The following GRID1 variants were observed in gnomAD, a reference collection of about 807,000 sequenced individuals.
GRID1 encodes the protein glutamate ionotropic receptor delta type subunit 1.
A neutral mutation model predicts 98.0 loss-of-function variants in GRID1; 28 were observed. The ratio of observed to expected loss-of-function variants is 0.29; its 90% CI spans 0.21 to 0.39. The LOEUF is 0.39. Among genes scored for constraint, GRID1 ranks in the 10% least tolerant of loss-of-function variants. The probability of loss-of-function intolerance (pLI) is 1.00; values close to 1 mark genes in which losing one functional copy is unlikely to be tolerated. For missense variants in GRID1, 1,111 were observed against 1,340.5 expected (o/e 0.83, Z 2.67); for synonymous variants, 553 against 538.5 (o/e 1.03, Z -0.37).
intron 3 of GRID1, among the ~76,000 whole-genome samples, chr10:86,150,761 G>A (rs1303425627): frequency 6.6e-6 from 1 of 152,158 alleles, no homozygotes; most frequent in Non-Finnish European, 1.5e-5. Flanking sequence ...CCTCCTGGTT[G>A]GAATTAGTGG....
Position 86,291,484 on chromosome 10 carries a change from G to A in GRID1, c.235+72457C>T, listed in dbSNP as rs185907730. On this transcript the variant is annotated intron_variant, in intron 2 of 15. Transcript: ENST00000327946. ...ACCAGGCTCACCCCACAGCAGCCTC[G>A]CCAGTACCAGCCCTGCCTCAGCCCA... Among the ~76,000 whole-genome samples, 18 of 152,180 alleles carry A rather than the reference G, an allele frequency of 1.2e-4. 1 individual carries two copies. Among genetic ancestry groups the A allele is most frequent in the Middle Eastern group, 6.8e-3 (2 of 294 alleles).
At chr10:85,832,496 G>A (rs1317771963) in intron 8 of GRID1, among the ~76,000 whole-genome samples, 2 of 152,116 alleles carry the variant, frequency 1.3e-5, no homozygotes, top group African/African-American at 4.8e-5. Flanking sequence ...TTTGAGCAAT[G>A]AAAAATGGCT....
chr10:85,857,029 A>G (rs1843116826), intron 6 of GRID1, among the ~76,000 whole-genome samples: 1 of 152,186 alleles, frequency 6.6e-6, no homozygotes, highest in African/African-American at 2.4e-5. Context: ...GGGCCTCAGA[A>G]AGACCACTCT....
At chr10:86,046,839 C>T (rs1454569826) in intron 4 of GRID1, among the ~76,000 whole-genome samples, 1 of 146,114 alleles carries the variant, frequency 6.8e-6, no homozygotes, top group African/African-American at 2.5e-5. Context: ...AACAATAATG[C>T]CACAAATTTT....
intron 3 of GRID1, among the ~76,000 whole-genome samples, chr10:86,187,331 G>A (rs576598533): frequency 6.6e-6 from 1 of 152,132 alleles, no homozygotes; most frequent in African/African-American, 2.4e-5. Flanking sequence ...TTACAAGAAG[G>A]CTATGATGTA....
intron 2 of GRID1, among the ~76,000 whole-genome samples, chr10:86,328,519 T>C (rs1436462197): frequency 6.6e-6 from 1 of 152,248 alleles, no homozygotes; most frequent in Non-Finnish European, 1.5e-5. Context: ...GCTGGGTTCC[T>C]GGCAGCATTT....
At chr10:85,786,397 G>A (rs926696375) in intron 8 of GRID1, among the ~76,000 whole-genome samples, 9 of 152,290 alleles carry the variant, frequency 5.9e-5, no homozygotes, top group Non-Finnish European at 5.9e-5. Flanking sequence ...AACCTGTTCC[G>A]AGGGAAGTCA....
chr10:85,896,669 A>C (rs1841298649), intron 5 of GRID1, among the ~76,000 whole-genome samples: 1 of 152,238 alleles, frequency 6.6e-6, no homozygotes, highest in African/African-American at 2.4e-5. Flanking sequence ...AAGAAATACA[A>C]ATTAAACAAT....
intron 8 of GRID1, 122 bp from the exon 9 acceptor site, chr10:85,729,736 C>A (rs867407390): frequency 1.7e-6 from 1 of 589,792 alleles, no homozygotes; most frequent in South Asian, 2.1e-5. Context: ...CCCTGGAGTT[C>A]CCAGAGACCC....
At chr10:85,649,221 A>G (rs937982796) in intron 12 of GRID1, among the ~76,000 whole-genome samples, 1 of 152,188 alleles carries the variant, frequency 6.6e-6, no homozygotes, top group Non-Finnish European at 1.5e-5. Context: ...AGCACACAGA[A>G]GGCCCAGCTG....
At chr10:85,713,275 A>AT (rs1841601811) in intron 12 of GRID1, among the ~76,000 whole-genome samples, 1 of 151,830 alleles carries the variant, frequency 6.6e-6, no homozygotes, top group Non-Finnish European at 1.5e-5. Flanking sequence ...ACTATAAACA[A>AT]TTTTTCAACA....
chr10:85,957,170 G>A (rs758434955), intron 4 of GRID1, among the ~76,000 whole-genome samples: 1 of 152,138 alleles, frequency 6.6e-6, no homozygotes, highest in Non-Finnish European at 1.5e-5. Flanking sequence ...AACACGTGGG[G>A]ATTACAATTC....
At chr10:86,081,140 A>G (rs1385204189) in intron 4 of GRID1, among the ~76,000 whole-genome samples, 1 of 152,100 alleles carries the variant, frequency 6.6e-6, no homozygotes, top group Non-Finnish European at 1.5e-5. Context: ...CATTATTATT[A>G]TTATTATTTT....
At chr10:86,021,810 C>G (rs573293015) in intron 4 of GRID1, among the ~76,000 whole-genome samples, 13 of 152,278 alleles carry the variant, frequency 8.5e-5, no homozygotes, top group African/African-American at 2.9e-4. Flanking sequence ...GCTTCTCAGA[C>G]CACAGGCTAC....
chr10:85,939,645 T>C lies in GRID1; in HGVS notation c.727-23406A>G, dbSNP rs150287256. On this transcript the variant is annotated intron_variant, in intron 4 of 15. Coordinates refer to ENST00000327946, the MANE Select transcript of GRID1 (RefSeq NM_017551.3). ...ACTTTCACAGTCACTTGTGATTCCATTGCGCCCACCTGGATAACCCAAATA... is the reference window on the plus strand; with the variant it reads ...ACTTTCACAGTCACTTGTGATTCCACTGCGCCCACCTGGATAACCCAAATA... Among the ~76,000 whole-genome samples, 412 of 152,292 alleles carry C rather than the reference T, an allele frequency of 2.7e-3. 1 individual carries two copies. Among genetic ancestry groups the C allele is most frequent in the African/African-American group, 9.5e-3 (393 of 41,564 alleles).
chr10:86,338,368 G>A (rs1175434591), intron 2 of GRID1, among the ~76,000 whole-genome samples: 1 of 152,152 alleles, frequency 6.6e-6, no homozygotes, highest in Non-Finnish European at 1.5e-5. Flanking sequence ...GGATGACGTG[G>A]AAGGAGCCTG....
chr10:86,247,032 T>G (rs191058337), intron 2 of GRID1, among the ~76,000 whole-genome samples: 162 of 152,368 alleles, frequency 1.1e-3, no homozygotes, highest in African/African-American at 3.8e-3. Flanking sequence ...CCATGCTGCC[T>G]GACACCGTGC....
chr10:85,637,935 T>C (rs1398417419), intron 13 of GRID1, among the ~76,000 whole-genome samples: 1 of 152,194 alleles, frequency 6.6e-6, no homozygotes, highest in African/African-American at 2.4e-5. Flanking sequence ...TGGGACTTCA[T>C]ATTTTGAACT....
At chr10:86,241,606 T>C (rs986931476) in intron 2 of GRID1, among the ~76,000 whole-genome samples, 15 of 152,266 alleles carry the variant, frequency 9.9e-5, no homozygotes, top group African/African-American at 3.1e-4. Flanking sequence ...AGAGTTTGCA[T>C]AGTTATTTCC....
Sources: allele counts gnomAD v4.1 joint callset (sites outside exome capture counted in the v4.1 genomes callset), GRCh38; gene constraint gnomAD v4.1.1; transcripts MANE v1.5; gene names NCBI Gene and HGNC (gene_info 2026-07-23, HGNC 2026-07-21).